Variants in CSRNP3 observed in about 807,000 individuals in gnomAD.
CSRNP3 encodes cysteine/serine-rich nuclear protein 3.
CSRNP3 carries 12 observed loss-of-function variants against 48.0 expected under a neutral mutation model. That is an observed-to-expected ratio of 0.25 (90% CI 0.16 to 0.41). The LOEUF (loss-of-function observed/expected upper bound fraction) is 0.41, where lower values mean the gene tolerates loss of function less well. CSRNP3 is among the 10% of genes least tolerant of loss of function. The pLI is 1.00. For synonymous variants in CSRNP3, 263 were observed against 269.7 expected (o/e 0.98, Z 0.24); for missense variants, 580 against 724.4 (o/e 0.80, Z 2.29).
intron 3 of CSRNP3, among the ~76,000 whole-genome samples, chr2:165,541,413 A>G (rs1416417621): frequency 1.3e-5 from 2 of 151,972 alleles, no homozygotes; most frequent in Admixed American, 6.6e-5. Flanking sequence ...GTCCCATAGG[A>G]CACAGATTGT....
intron 4 of CSRNP3, among the ~76,000 whole-genome samples, chr2:165,653,810 A>G (rs1279949000): frequency 6.6e-6 from 1 of 151,812 alleles, no homozygotes; most frequent in Non-Finnish European, 1.5e-5. Context: ...TGTCTTTACT[A>G]AAAATACAAA....
At chr2:165,561,367 C>T (rs1036485221) in intron 3 of CSRNP3, among the ~76,000 whole-genome samples, 3 of 151,964 alleles carry the variant, frequency 2.0e-5, no homozygotes, top group Admixed American at 6.6e-5. Context: ...TTAGGACACA[C>T]GAACCCCCTA....
intron 4 of CSRNP3, among the ~76,000 whole-genome samples, chr2:165,646,469 G>T (rs1334934058): frequency 6.6e-6 from 1 of 152,188 alleles, no homozygotes; most frequent in East Asian, 1.9e-4. Context: ...GGTGGAAAAT[G>T]CTGTTTAATC....
At chr2:165,620,505 G>A (rs1038735614) in intron 4 of CSRNP3, among the ~76,000 whole-genome samples, 1 of 152,100 alleles carries the variant, frequency 6.6e-6, no homozygotes, top group Non-Finnish European at 1.5e-5. Flanking sequence ...ATACTAAAAT[G>A]TGATTTACTT....
rs1015862673 is a variant in CSRNP3, at chr2:165,687,944, C to T, written c.*8191C>T. ...GGGATTTTTTTCAATCTTGGTACAG[C>T]TGCATATCTCCCAAACTCGGATGCT... On this transcript the variant is annotated 3_prime_UTR_variant, in exon 7 of 7. Coordinates refer to ENST00000651982, the MANE Select transcript of CSRNP3 (RefSeq NM_001172173.2). 1 of 151,694 alleles carries T rather than the reference C, an allele frequency of 6.6e-6. No individual in the cohort carries two copies. Among genetic ancestry groups the T allele is most frequent in the Admixed American group, 6.6e-5 (1 of 15,192 alleles). 9.4% of individuals were successfully genotyped at this position (151,694 alleles called of 1,614,324 possible). A position where few individuals can be genotyped will look rare whatever the true frequency, so the allele number is the denominator to read the frequency against.
At position 165,532,872 on chromosome 2, in the gene CSRNP3, C is replaced by A. The variant is rs556865580; in HGVS notation, c.-24+14911C>A. Among the ~76,000 whole-genome samples the A allele has an allele frequency of 7.9e-5, 12 of 152,176 alleles. No individual in the cohort carries two copies. In the South Asian group the frequency reaches 2.5e-3, roughly 32 times the overall value. ...GCAACTTCAGCAAAGTCTCAGGATA[C>A]AAAATCAATGTACAAAAATCACAAG... On this transcript the variant is annotated intron_variant, in intron 3 of 6. Transcript: ENST00000651982.
intron 3 of CSRNP3, among the ~76,000 whole-genome samples, chr2:165,544,929 G>T (rs1318751003): frequency 6.6e-6 from 1 of 152,086 alleles, no homozygotes; most frequent in African/African-American, 2.4e-5. Flanking sequence ...TAACGAAAAG[G>T]TTAGGAAGAA....
At chr2:165,524,898 T>G (rs1030668397) in intron 3 of CSRNP3, among the ~76,000 whole-genome samples, 1 of 152,226 alleles carries the variant, frequency 6.6e-6, no homozygotes, top group Non-Finnish European at 1.5e-5. Context: ...AATATCCACG[T>G]AGAAATTTGT....
intron 3 of CSRNP3, among the ~76,000 whole-genome samples, chr2:165,520,108 A>C (rs1261832275): frequency 6.6e-6 from 1 of 152,222 alleles, no homozygotes; most frequent in African/African-American, 2.4e-5. Context: ...AGTTACTACA[A>C]GTATATGAAA....
chr2:165,555,142 C>T (rs1366936260), intron 3 of CSRNP3, among the ~76,000 whole-genome samples: 1 of 152,142 alleles, frequency 6.6e-6, no homozygotes, highest in Non-Finnish European at 1.5e-5. Context: ...GAATTGCTTA[C>T]CACCCCCTCC....
chr2:165,643,781 T>A (rs987574337), intron 4 of CSRNP3, among the ~76,000 whole-genome samples: 1 of 152,206 alleles, frequency 6.6e-6, no homozygotes, highest in African/African-American at 2.4e-5. Context: ...TCTACGTATG[T>A]CTCATCACCA....
At chr2:165,537,623 G>T (rs56707090) in intron 3 of CSRNP3, among the ~76,000 whole-genome samples, 18,033 of 151,414 alleles carry the variant, frequency 0.12, 1,343 homozygotes, top group East Asian at 0.37. Context: ...CTGTCAGAGA[G>T]CTCACAATTT....
chr2:165,533,458 C>G (rs1234092711), intron 3 of CSRNP3, among the ~76,000 whole-genome samples: 1 of 152,040 alleles, frequency 6.6e-6, no homozygotes, highest in African/African-American at 2.4e-5. Context: ...TACTGACAAT[C>G]TCATAAGGTT....
intron 3 of CSRNP3, among the ~76,000 whole-genome samples, chr2:165,558,160 A>G (rs1171986256): frequency 1.3e-5 from 2 of 152,204 alleles, no homozygotes; most frequent in African/African-American, 2.4e-5. Context: ...AAACTATTGT[A>G]GAGTAGAGAA....
At chr2:165,480,584 C>G (rs919486465) in intron 1 of CSRNP3, among the ~76,000 whole-genome samples, 3 of 151,612 alleles carry the variant, frequency 2.0e-5, no homozygotes, top group African/African-American at 7.3e-5. Context: ...ATATTTTTTG[C>G]CACAGCATTG....
chr2:165,688,418 G>T lies in CSRNP3; in HGVS notation c.*8665G>T, dbSNP rs988517711. The T allele has an allele frequency of 1.3e-5, 2 of 152,058 alleles. No individual in the cohort carries two copies. The highest frequency in any genetic ancestry group is 2.1e-4 in the South Asian group (1 of 4,822). 9.4% of individuals were successfully genotyped at this position (152,058 alleles called of 1,614,324 possible). Reference sequence around the variant, plus strand: ...CTGTTTACGCAGAAAATGGCACTTTGTTCTTTCAGTGTGTTTCCCTCAGTG... The same window carrying T: ...CTGTTTACGCAGAAAATGGCACTTTTTTCTTTCAGTGTGTTTCCCTCAGTG... On this transcript the variant is annotated 3_prime_UTR_variant, in exon 7 of 7. Coordinates refer to ENST00000651982, the MANE Select transcript of CSRNP3 (RefSeq NM_001172173.2).
chr2:165,631,042 A>G (rs942147069), intron 4 of CSRNP3, among the ~76,000 whole-genome samples: 2 of 152,376 alleles, frequency 1.3e-5, no homozygotes, highest in East Asian at 1.9e-4. Context: ...TAAACATTAT[A>G]TAACATTATA....
At chr2:165,585,588 C>G (rs151131811) in intron 3 of CSRNP3, among the ~76,000 whole-genome samples, 266 of 152,290 alleles carry the variant, frequency 1.7e-3, no homozygotes, top group African/African-American at 6.0e-3. Context: ...CTGATTGAAG[C>G]AAGCACCCTT....
At chr2:165,586,292 G>A (rs989133237) in intron 3 of CSRNP3, among the ~76,000 whole-genome samples, 1 of 152,020 alleles carries the variant, frequency 6.6e-6, no homozygotes, top group Non-Finnish European at 1.5e-5. Context: ...TTATTTACTG[G>A]GTTTCAAGGG....
Sources: allele counts gnomAD v4.1 joint callset (sites outside exome capture counted in the v4.1 genomes callset), GRCh38; gene constraint gnomAD v4.1.1; transcripts MANE v1.5; gene names NCBI Gene and HGNC (gene_info 2026-07-23, HGNC 2026-07-21).